Variants in CSNK1G1 observed in about 807,000 individuals in gnomAD.
The protein encoded by CSNK1G1 is casein kinase I isoform gamma-1.
A neutral mutation model predicts 59.6 loss-of-function variants in CSNK1G1; 22 were observed. That is an observed-to-expected ratio of 0.37 (90% confidence interval 0.26 to 0.53). The LOEUF is 0.53. CSNK1G1 is among the 20% of genes least tolerant of loss of function. The pLI, the probability that CSNK1G1 is intolerant of heterozygous loss-of-function variation, is 0.89. For missense variants in CSNK1G1, 384 were observed against 519.5 expected (o/e 0.74, Z 2.54); for synonymous variants, 179 against 177.1 (o/e 1.01, Z -0.08).
chr15:64,319,950 G>C (rs1475526684), intron 1 of CSNK1G1, among the ~76,000 whole-genome samples: 1 of 121,660 alleles, frequency 8.2e-6, no homozygotes, highest in African/African-American at 3.1e-5. Context: ...TTGAGACAGG[G>C]TCTCACTCTG....
intron 11 of CSNK1G1, among the ~76,000 whole-genome samples, chr15:64,174,592 T>C (rs943241988): frequency 1.3e-5 from 2 of 152,214 alleles, no homozygotes; most frequent in African/African-American, 4.8e-5. Flanking sequence ...TCCTTTCAGT[T>C]GATTCTTTGA....
intron 6 of CSNK1G1, among the ~76,000 whole-genome samples, chr15:64,209,570 C>A (rs1237623294): frequency 6.6e-6 from 1 of 151,964 alleles, no homozygotes; most frequent in African/African-American, 2.4e-5. Flanking sequence ...TTGAAACAAT[C>A]TTAAAAAGAA....
rs1348700745 is a variant in CSNK1G1 at position 64,200,388 on chromosome 15, C to T, written c.1107+2694G>A. 6.6e-6 allele frequency among the ~76,000 whole-genome samples: 1 copy of T among 152,066 alleles called. No individual in the cohort carries two copies. The highest frequency in any genetic ancestry group is 1.9e-4 in the East Asian group (1 of 5,192). ...GCCCAGGCTGGAGTGCAGTGGTGCC[C>T]AGGCTGGGGTGTAATGGTACCATCT... On this transcript the variant is annotated intron_variant, in intron 10 of 11. Transcript: ENST00000303052. This position sits in a 1 kb window ranked among gnomAD's most constrained non-coding sequence, Gnocchi z 4.3.
chr15:64,245,856 G>A (rs563784521), intron 4 of CSNK1G1, among the ~76,000 whole-genome samples: 102 of 152,272 alleles, frequency 6.7e-4, no homozygotes, highest in African/African-American at 2.4e-3. Context: ...GGTAGGCAGG[G>A]AAAGACAAAT....
intron 4 of CSNK1G1, among the ~76,000 whole-genome samples, chr15:64,230,280 T>C (rs928442253): frequency 2.0e-5 from 3 of 151,636 alleles, no homozygotes; most frequent in African/African-American, 4.8e-5. Flanking sequence ...TTTTAGTATA[T>C]AGTGCCAAAT....
intron 4 of CSNK1G1, among the ~76,000 whole-genome samples, chr15:64,235,281 T>C (rs1464170151): frequency 6.6e-6 from 1 of 152,228 alleles, no homozygotes; most frequent in Non-Finnish European, 1.5e-5. Context: ...TTATTTGCAA[T>C]CAAAACAGTG....
chr15:64,229,551 T>TCC (rs2082514466), intron 4 of CSNK1G1, among the ~76,000 whole-genome samples: 1 of 151,210 alleles, frequency 6.6e-6, no homozygotes, highest in Non-Finnish European at 1.5e-5. Context: ...TCTCTCTCTC[T>TCC]CCCTGATCGC....
intron 10 of CSNK1G1, among the ~76,000 whole-genome samples, chr15:64,201,449 T>C (rs1233302675): frequency 6.6e-6 from 1 of 152,142 alleles, no homozygotes; most frequent in East Asian, 1.9e-4. Context: ...CAACAGTCTT[T>C]TGTTGTCAAA....
chr15:64,169,571 T>A lies in CSNK1G1; in HGVS notation c.*2360A>T, dbSNP rs1160669721. ...CTCTTGAGAGGCAAGGCATTTTCTA[T>A]ACAGGGGTGAGGAAAAGTTAAACTT... On this transcript the variant is annotated 3_prime_UTR_variant, in exon 12 of 12. Transcript: ENST00000303052. 1.3e-5 allele frequency: 2 copies of A among 152,148 alleles called. No individual in the cohort carries two copies. Among genetic ancestry groups the A allele is most frequent in the African/African-American group, 4.8e-5 (2 of 41,416 alleles). The allele number at this position is 152,148 out of a possible 1,614,324, so 9.4% of individuals were successfully genotyped here.
Position 64,173,806 on chromosome 15 carries a change from G to A in CSNK1G1, c.1215-1821C>T, listed in dbSNP as rs71394544. Among the ~76,000 whole-genome samples the A allele has an allele frequency of 3.9e-3, 590 of 151,850 alleles. 1 individual carries two copies. Among genetic ancestry groups the A allele is most frequent in the Non-Finnish European group, 7.0e-3 (473 of 67,936 alleles). On this transcript the variant is annotated intron_variant, in intron 11 of 11. Coordinates refer to ENST00000303052, the MANE Select transcript of CSNK1G1 (RefSeq NM_022048.5). ...TTTTTGTATTTTTAGTAGAGACGGGGTTTCACCATGTTGGCCGGGCTGGTC... is the reference window on the plus strand; with the variant it reads ...TTTTTGTATTTTTAGTAGAGACGGGATTTCACCATGTTGGCCGGGCTGGTC...
chr15:64,332,586 A>T (rs1306616577), intron 1 of CSNK1G1, among the ~76,000 whole-genome samples: 4 of 148,866 alleles, frequency 2.7e-5, no homozygotes, highest in Admixed American at 6.7e-5. Flanking sequence ...ATGACGAGTT[A>T]GTGGGTGCAG....
At chr15:64,205,044 TC>T in intron 7 of CSNK1G1, 95 bp from the exon 8 acceptor site, 1 of 677,548 alleles carries the variant, frequency 1.5e-6, no homozygotes, top group Admixed American at 3.3e-5. Flanking sequence ...TCACTCAAAT[TC>T]GCAGTATTTG....
chr15:64,251,092 C>A (rs760529965), intron 4 of CSNK1G1, among the ~76,000 whole-genome samples: 1 of 152,114 alleles, frequency 6.6e-6, no homozygotes, highest in East Asian at 1.9e-4. Flanking sequence ...GATAAAATGA[C>A]GGTTCTGTAA....
chr15:64,207,371 A>G (rs1042943093), intron 7 of CSNK1G1, 138 bp downstream of exon 7: 13 of 590,598 alleles, frequency 2.2e-5, no homozygotes, highest in East Asian at 1.2e-4. Flanking sequence ...TCAGCCTCCC[A>G]AAGTGCTGGG....
rs372312255 is a variant in CSNK1G1, at chr15:64,260,099, G to A, written c.182-858C>T. Among the ~76,000 whole-genome samples the A allele has an allele frequency of 3.9e-5, 6 of 152,112 alleles. No individual in the cohort carries two copies. In the East Asian group the frequency reaches 7.7e-4, roughly 20 times the overall value. On this transcript the variant is annotated intron_variant, in intron 2 of 11. Transcript: ENST00000303052. ...GCCTTAACTTTAATTCCTCCTGAGTGCTTAGTACATATCATGTAGTTCAGC... is the reference window on the plus strand; with the variant it reads ...GCCTTAACTTTAATTCCTCCTGAGTACTTAGTACATATCATGTAGTTCAGC...
chr15:64,203,694 TAAAAAAAAA>T (rs531367701), intron 9 of CSNK1G1, among the ~76,000 whole-genome samples: 2 of 56,176 alleles, frequency 3.6e-5, no homozygotes, highest in African/African-American at 1.5e-4. Flanking sequence ...TGAAACTCCG[TAAAAAAAAA>T]AAAAAAAAAA....
intron 7 of CSNK1G1, among the ~76,000 whole-genome samples, chr15:64,206,230 A>G (rs2082178129): frequency 6.6e-6 from 1 of 152,082 alleles, no homozygotes; most frequent in Non-Finnish European, 1.5e-5. Flanking sequence ...TCACAAGGTC[A>G]GGAGTTTGAG....
chr15:64,183,948 G>A (rs1229938695), intron 10 of CSNK1G1, among the ~76,000 whole-genome samples: 1 of 151,898 alleles, frequency 6.6e-6, no homozygotes, highest in Non-Finnish European at 1.5e-5. Context: ...TATTGGCCAG[G>A]CTGGTCTTGA....
intron 1 of CSNK1G1, among the ~76,000 whole-genome samples, chr15:64,329,381 C>T (rs1246845666): frequency 2.0e-5 from 3 of 148,096 alleles, no homozygotes; most frequent in Non-Finnish European, 3.0e-5. Flanking sequence ...CACTCAAAGC[C>T]ACTCAACTAC....
Sources: allele counts gnomAD v4.1 joint callset (sites outside exome capture counted in the v4.1 genomes callset), GRCh38; gene constraint gnomAD v4.1.1; non-coding constraint Gnocchi (gnomAD v3.1); transcripts MANE v1.5; gene names NCBI Gene and HGNC (gene_info 2026-07-23, HGNC 2026-07-21).